BCL9L: variants seen among roughly 807,000 people sequenced by gnomAD.
The protein encoded by BCL9L is BCL9 like.
Under a neutral mutation model 99.4 loss-of-function variants are expected in BCL9L, and 19 were observed. The ratio of observed to expected loss-of-function variants is 0.19; its 90% CI spans 0.13 to 0.28. BCL9L has a LOEUF of 0.28. Among genes scored for constraint, BCL9L ranks in the 10% least tolerant of loss-of-function variants. The probability of loss-of-function intolerance (pLI) is 1.00; values close to 1 mark genes in which losing one functional copy is unlikely to be tolerated. For synonymous variants in BCL9L, 900 were observed against 854.8 expected, an observed-to-expected ratio of 1.05 and a Z score of -0.92; for missense variants, 2,023 against 2,101.6, an observed-to-expected ratio of 0.96 and a Z score of 0.73.
rs138788324 is a variant in BCL9L at position 118,901,774 on chromosome 11, T to C, written c.1969A>G (p.Met657Val). 33 of 1,611,740 alleles carry C rather than the reference T, an allele frequency of 2.0e-5. No homozygotes were observed. In the South Asian group the frequency reaches 3.4e-4, roughly 17 times the overall value. The stretch of plus-strand genomic sequence containing the variant: ...TCACCCTGCCCACCTGGGTAGGGCA[T>C]GGTGTTCTGGGCAAAATTGCTGGGT... The part of the protein sequence containing the change: ...GGPSNFAQNT[M>V]PYPGGQGEAE... Residue 657 changes from methionine (M) to valine (V), a missense_variant, in exon 8 of 10, where the codon ATG becomes GTG. By Grantham distance (21) the Met-to-Val change is conservative. This residue lies in a region of BCL9L where 1,116 missense variants were observed against 1,194.6 expected (regional missense o/e 0.93). Transcript: ENST00000683865. This position sits in a 1 kb window ranked among gnomAD's most constrained non-coding sequence, Gnocchi z 6.6.
Position 118,899,338 on chromosome 11 carries a change from C to G in BCL9L, c.3577G>C (p.Gly1193Arg). The change falls in exon 10 of 10, where the codon GGG becomes CGG. Residue 1193 changes from glycine (G) to arginine (R), a missense_variant. Gly to Arg is a moderately radical substitution (Grantham distance 125). Around this residue, in one of 3 missense-constraint regions of BCL9L, gnomAD observed 902 missense variants for 888.2 expected, o/e 1.02. Transcript: ENST00000683865. ...GAGTTTTGAGGGGGCCCCCCTGTCC[C>G]CTGTGCGTTGGGATGCAGTGGAATG... ...SNIPLHPNAQ[G>R]TGGPPQNSMM... 1.9e-6 allele frequency: 3 copies of G among 1,576,424 alleles called. No homozygotes were observed. Among genetic ancestry groups the G allele is most frequent in the Non-Finnish European group, 2.6e-6 (3 of 1,161,814 alleles).
rs1273938485 is a variant in BCL9L at position 118,921,277 on chromosome 11, TACAC to T, written c.-130-2402_-130-2399del. 1.3e-5 allele frequency among the ~76,000 whole-genome samples: 2 copies of T among 151,854 alleles called. No homozygotes were observed. The highest frequency in any genetic ancestry group is 1.9e-4 in the East Asian group (1 of 5,180). ...TGAGACACACACACACACAAACTTA[TACAC>T]ACACACAAAGTAGTACGCAGCCATG... On this transcript the variant is annotated intron_variant, in intron 1 of 9. Coordinates refer to ENST00000683865, the MANE Select transcript of BCL9L (RefSeq NM_001378213.1). This position sits in a 1 kb window ranked among gnomAD's most constrained non-coding sequence, Gnocchi z 5.4.
chr11:118,903,089 G>C lies in BCL9L; in HGVS notation c.750-15C>G. The C allele has an allele frequency of 6.4e-7, 1 of 1,564,268 alleles. No individual in the cohort carries two copies. The highest frequency in any genetic ancestry group is 8.6e-7 in the Non-Finnish European group (1 of 1,159,360). On this transcript the variant is annotated splice_polypyrimidine_tract_variant and intron_variant, in intron 6 of 9. Transcript: ENST00000683865. This position sits in a 1 kb window ranked among gnomAD's most constrained non-coding sequence, Gnocchi z 5.6. ...CCTCTGCAGCCCTGCACAGAGTGGGGGCACCGACAGCTCAGAGAGGTGAGC... is the reference window on the plus strand; with the variant it reads ...CCTCTGCAGCCCTGCACAGAGTGGGCGCACCGACAGCTCAGAGAGGTGAGC...
At position 118,898,172 on chromosome 11, in the gene BCL9L, G is replaced by A; in HGVS notation, c.*243C>T. 1.7e-6 allele frequency: 1 copy of A among 596,214 alleles called. No homozygotes were observed. Among genetic ancestry groups the A allele is most frequent in the Non-Finnish European group, 3.0e-6 (1 of 338,108 alleles). 36.9% of individuals were successfully genotyped at this position (596,214 alleles called of 1,614,324 possible). On this transcript the variant is annotated 3_prime_UTR_variant, in exon 10 of 10. Coordinates refer to ENST00000683865, the MANE Select transcript of BCL9L (RefSeq NM_001378213.1). ...CTCCATAGGAATTGGGAGGAGTGGG[G>A]GAGGGGCAGTCCTGGTGGCCGAAAT...
In BCL9L at chr11:118,903,419, G is replaced by A; in HGVS notation, c.566C>T (p.Pro189Leu). 1.2e-6 allele frequency: 2 copies of A among 1,613,098 alleles called. No homozygotes were observed. The highest frequency in any genetic ancestry group is 1.7e-6 in the Non-Finnish European group (2 of 1,179,632). Reference sequence around the variant, plus strand: ...GGTGGTTTGGCCGGGACCCAGCTGTGGGGCCGCCATGGCTGGGTCTGCTAC... The same window carrying A: ...GGTGGTTTGGCCGGGACCCAGCTGTAGGGCCGCCATGGCTGGGTCTGCTAC... ...CNVADPAMAA[P>L]QLGPGQTTQL... is the part of the protein sequence containing the mutation. Residue 189 changes from proline (P) to leucine (L), a missense_variant, in exon 6 of 10, where the codon CCA (proline) becomes CTA (leucine). Physicochemically the swap from Pro to Leu is moderately conservative, Grantham distance 98 (BLOSUM62 -3). Around this residue, in one of 3 missense-constraint regions of BCL9L, gnomAD observed 1,116 missense variants for 1,194.6 expected, o/e 0.93. Transcript: ENST00000683865. The surrounding 1 kb of genome is among the most constrained non-coding windows in gnomAD (Gnocchi z 5.6).
Position 118,899,933 on chromosome 11 carries a change from C to T in BCL9L, c.3390G>A (p.Pro1130=), listed in dbSNP as rs1336401063. ...TCCTCGCACCTGGCCCGGAGCCCTGCGGTGGTGGTGGGGGGGGCAGCAGGG... is the reference window on the plus strand; with the variant it reads ...TCCTCGCACCTGGCCCGGAGCCCTGTGGTGGTGGTGGGGGGGGCAGCAGGG... ...DRPLLPPPPP[P]QGSGPGISNS... The change falls in exon 9 of 10, where the codon CCG becomes CCA. Residue 1130 remains proline, a synonymous_variant. Transcript: ENST00000683865. 10 of 1,612,832 alleles carry T rather than the reference C, an allele frequency of 6.2e-6. No individual in the cohort carries two copies. Among genetic ancestry groups the T allele is most frequent in the East Asian group, 4.5e-5 (2 of 44,880 alleles).
At position 118,918,877 on chromosome 11, in the gene BCL9L, T is replaced by A. The variant is rs1344046974; in HGVS notation, c.-128A>T. 2.0e-5 allele frequency: 3 copies of A among 151,876 alleles called. No homozygotes were observed. Among genetic ancestry groups the A allele is most frequent in the African/African-American group, 7.3e-5 (3 of 41,248 alleles). The allele number at this position is 151,876 out of a possible 1,614,324, so 9.4% of individuals were successfully genotyped here. On this transcript the variant is annotated splice_region_variant and 5_prime_UTR_variant, in exon 2 of 10. Transcript: ENST00000683865. Reference sequence around the variant, plus strand: ...CAAGGGTGTGGTCTGGGTTGGGGGCTCCCTGTGGAGAGAGGGTCAAAGCTA... The same window carrying A: ...CAAGGGTGTGGTCTGGGTTGGGGGCACCCTGTGGAGAGAGGGTCAAAGCTA...
chr11:118,903,833 C>G lies in BCL9L; in HGVS notation c.533-381G>C, dbSNP rs752482339. ...GCAGAGCCAGAACTGAACCCAGGGC[C>G]GGGACTCTGAAGCTCCGCTCTGAGC... is the stretch of plus-strand genomic sequence containing the variant. On this transcript the variant is annotated intron_variant, in intron 5 of 9. Transcript: ENST00000683865. This position sits in a 1 kb window ranked among gnomAD's most constrained non-coding sequence, Gnocchi z 5.6. Among the ~76,000 whole-genome samples the G allele has an allele frequency of 6.6e-6, 1 of 152,136 alleles. No homozygotes were observed. Among genetic ancestry groups the G allele is most frequent in the African/African-American group, 2.4e-5 (1 of 41,422 alleles).
chr11:118,912,344 G>T (rs536016355), intron 2 of BCL9L, among the ~76,000 whole-genome samples: 79 of 152,328 alleles, frequency 5.2e-4, no homozygotes, highest in African/African-American at 1.8e-3. Context: ...CCTCTTAGGG[G>T]GTTAGGTGGG....
In BCL9L at chr11:118,901,542, G is replaced by A. The variant is rs767915742; in HGVS notation, c.2201C>T (p.Ala734Val). ...AAACTCCATGCCCATGGGAGTGCCC[G>A]CCAGGCCCTCACCACCAGCCATCTG... ...PGQMAGGEGL[A>V]GTPMGMEFGG... Residue 734 changes from alanine to valine, a missense_variant, in exon 8 of 10, where the codon GCG (alanine) becomes GTG (valine). Physicochemically the swap from Ala to Val is moderately conservative, Grantham distance 64 (BLOSUM62 0). Coordinates refer to ENST00000683865, the MANE Select transcript of BCL9L (RefSeq NM_001378213.1). This position sits in a 1 kb window ranked among gnomAD's most constrained non-coding sequence, Gnocchi z 6.6. 1.3e-5 allele frequency: 21 copies of A among 1,613,992 alleles called. No individual in the cohort carries two copies. Among genetic ancestry groups the A allele is most frequent in the South Asian group, 6.6e-5 (6 of 91,086 alleles).
At chr11:118,912,798 T>G (rs1940848030) in intron 2 of BCL9L, among the ~76,000 whole-genome samples, 1 of 151,822 alleles carries the variant, frequency 6.6e-6, no homozygotes, top group South Asian at 2.1e-4. Flanking sequence ...TTTTGGAGGG[T>G]TCATGCTCCT....
At position 118,914,380 on chromosome 11, in the gene BCL9L, G is replaced by A. The variant is rs901353168; in HGVS notation, c.-76-4365C>T. On this transcript the variant is annotated intron_variant, in intron 2 of 9. Coordinates refer to ENST00000683865, the MANE Select transcript of BCL9L (RefSeq NM_001378213.1). This position sits in a 1 kb window ranked among gnomAD's most constrained non-coding sequence, Gnocchi z 4.4. The stretch of plus-strand genomic sequence containing the variant: ...GCACCACGGTGGGACCTCACCCAGC[G>A]CCCGCCCGCCTGCCTGCCTGCTCTG... Among the ~76,000 whole-genome samples, 2 of 152,148 alleles carry A rather than the reference G, an allele frequency of 1.3e-5. No individual in the cohort carries two copies. The highest frequency in any genetic ancestry group is 2.1e-4 in the South Asian group (1 of 4,828).
chr11:118,910,552 T>C (rs1940741087), intron 2 of BCL9L: 1 of 151,946 alleles, frequency 6.6e-6, no homozygotes, highest in Non-Finnish European at 1.5e-5. Context: ...TGGAGACCAG[T>C]AACGCTGGCT....
Position 118,901,226 on chromosome 11 carries a change from T to G in BCL9L, c.2517A>C (p.Ser839=), listed in dbSNP as rs149942486. 1.1e-5 allele frequency: 18 copies of G among 1,613,808 alleles called. No individual in the cohort carries two copies. The African/African-American group carries it at 2.1e-4, about 19-fold the overall frequency. The change falls in exon 8 of 10, where the codon TCA becomes TCC. Residue 839 remains serine, a synonymous_variant. Transcript: ENST00000683865. This position sits in a 1 kb window ranked among gnomAD's most constrained non-coding sequence, Gnocchi z 6.6. ...MGGPQKMLMP[S]QFPNQGQQGF... ...CCTGCTGGCCCTGGTTGGGAAACTG[T>G]GAAGGCATCAGCATCTTCTGCGGGC...
At chr11:118,911,291 C>A (rs1231441381) in intron 2 of BCL9L, 1 of 455,236 alleles carries the variant, frequency 2.2e-6, no homozygotes, top group East Asian at 6.9e-5. Flanking sequence ...CGGCCAGACA[C>A]CGGTGCACAC....
At chr11:118,924,835 C>T (rs1941239717) in intron 1 of BCL9L, among the ~76,000 whole-genome samples, 1 of 152,244 alleles carries the variant, frequency 6.6e-6, no homozygotes, top group Non-Finnish European at 1.5e-5. Context: ...CCACCTCCTT[C>T]TGGAGGCTCC....
intron 3 of BCL9L, 108 bp from the exon 4 acceptor site, chr11:118,908,763 G>A (rs1204752998): frequency 1.3e-5 from 11 of 872,698 alleles, no homozygotes; most frequent in Non-Finnish European, 1.9e-5. Flanking sequence ...GAGGGTGGGG[G>A]GAAGGGGTGG....
intron 4 of BCL9L, 40 bp from the exon 5 acceptor site, chr11:118,907,642 GC>G: frequency 6.2e-7 from 1 of 1,603,546 alleles, no homozygotes; most frequent in Non-Finnish European, 8.5e-7. Flanking sequence ...GTGCCTAGAG[GC>G]CCCATTATTC....
At position 118,898,566 on chromosome 11, in the gene BCL9L, G is replaced by A. The variant is rs746885897; in HGVS notation, c.4349C>T (p.Pro1450Leu). 7 of 1,609,150 alleles carry A rather than the reference G, an allele frequency of 4.4e-6. No homozygotes were observed. In the East Asian group the frequency reaches 6.7e-5, roughly 15 times the overall value. Residue 1450 changes from proline to leucine, a missense_variant, in exon 10 of 10, where the codon CCC (proline) becomes CTC (leucine). Pro to Leu is a moderately conservative substitution (Grantham distance 98, BLOSUM62 -3). Coordinates refer to ENST00000683865, the MANE Select transcript of BCL9L (RefSeq NM_001378213.1). Reference sequence around the variant, plus strand: ...GGAGCCCTGCGGGGAGAGCATGTGGGGCGGCTGGCTGTAGACCTCGCCCCC... The same window carrying A: ...GGAGCCCTGCGGGGAGAGCATGTGGAGCGGCTGGCTGTAGACCTCGCCCCC... ...GVGGEVYSQP[P>L]HMLSPQGSLM...
Sources: gnomAD v4.1 joint callset for allele counts (sites outside exome capture counted in the v4.1 genomes callset) on GRCh38, gnomAD v4.1.1 for gene constraint, gnomAD v4.1.1 regional missense constraint, Gnocchi (gnomAD v3.1) non-coding constraint, MANE v1.5 for transcripts, NCBI Gene and HGNC (gene_info 2026-07-23, HGNC 2026-07-21) for gene names.